Variants in RCOR1 observed in about 807,000 individuals in gnomAD.
The protein encoded by RCOR1 is REST corepressor.
In RCOR1, 12 loss-of-function variants were observed where a neutral mutation model predicts 64.0. The ratio of observed to expected loss-of-function variants is 0.19; its 90% CI spans 0.12 to 0.30. The LOEUF (loss-of-function observed/expected upper bound fraction) is 0.30. RCOR1 is among the 10% of genes least tolerant of loss of function. The pLI is 1.00. For missense variants in RCOR1, 502 were observed against 621.2 expected (o/e 0.81, Z 2.04); for synonymous variants, 279 against 227.2 (o/e 1.23, Z -2.05).
At chr14:102,670,546 C>CTTCAAGAAACA (rs1451045913) in intron 2 of RCOR1, among the ~76,000 whole-genome samples, 1 of 151,816 alleles carries the variant, frequency 6.6e-6, no homozygotes. Context: ...TACTTTTCAG[C>CTTCAAGAAACA]TTCAGTTTTC....
Position 102,634,684 on chromosome 14 carries a change from A to G in RCOR1, c.361+41359A>G, listed in dbSNP as rs1169937463. Among the ~76,000 whole-genome samples the G allele has an allele frequency of 2.0e-5, 3 of 150,538 alleles. 1 individual carries two copies. Among genetic ancestry groups the G allele is most frequent in the East Asian group, 3.9e-4 (2 of 5,154 alleles). On this transcript the variant is annotated intron_variant, in intron 2 of 11. Transcript: ENST00000262241. The stretch of plus-strand genomic sequence containing the variant: ...TATATACACACACACGTACATACAT[A>G]TATATATGTGTGTATATATATATAT...
intron 2 of RCOR1, among the ~76,000 whole-genome samples, chr14:102,598,778 C>G (rs569411862): frequency 1.3e-5 from 2 of 152,154 alleles, no homozygotes; most frequent in East Asian, 1.9e-4. Flanking sequence ...TAATTAATAC[C>G]TAGATTAGAT....
chr14:102,647,969 A>G (rs1041899117), intron 2 of RCOR1, among the ~76,000 whole-genome samples: 24 of 152,184 alleles, frequency 1.6e-4, no homozygotes, highest in Admixed American at 7.2e-4. Flanking sequence ...ATATACCACC[A>G]TGCTCGGCCT....
At chr14:102,650,704 A>G (rs1286395426) in intron 2 of RCOR1, among the ~76,000 whole-genome samples, 1 of 152,176 alleles carries the variant, frequency 6.6e-6, no homozygotes, top group African/African-American at 2.4e-5. Context: ...AGTACCACAT[A>G]CTTGGTGAAA....
chr14:102,687,374 C>T (rs1223323505), intron 3 of RCOR1, among the ~76,000 whole-genome samples: 1 of 152,216 alleles, frequency 6.6e-6, no homozygotes, highest in African/African-American at 2.4e-5. Flanking sequence ...TTTACCACAC[C>T]TGTCTGCCTT....
intron 3 of RCOR1, among the ~76,000 whole-genome samples, chr14:102,697,969 C>T (rs1270953778): frequency 6.6e-6 from 1 of 152,224 alleles, no homozygotes; most frequent in Non-Finnish European, 1.5e-5. Flanking sequence ...GATCCTCTTG[C>T]CTCAGCCTCC....
intron 4 of RCOR1, among the ~76,000 whole-genome samples, chr14:102,702,461 G>A (rs561818959): frequency 2.0e-5 from 3 of 150,176 alleles, no homozygotes; most frequent in Non-Finnish European, 4.4e-5. Flanking sequence ...AAGCTGAGAA[G>A]ACCTTTATAT....
At chr14:102,623,325 GAA>G (rs567220336) in intron 2 of RCOR1, among the ~76,000 whole-genome samples, 16 of 151,572 alleles carry the variant, frequency 1.1e-4, no homozygotes, top group Non-Finnish European at 2.2e-4. Flanking sequence ...GTGCTATTTG[GAA>G]AAAATACTAT....
At chr14:102,673,217 T>C (rs772383487) in intron 2 of RCOR1, among the ~76,000 whole-genome samples, 12 of 152,358 alleles carry the variant, frequency 7.9e-5, no homozygotes, top group South Asian at 4.1e-4. Flanking sequence ...AGTTATGATA[T>C]TATACATTTC....
chr14:102,680,608 C>G (rs994545566), intron 2 of RCOR1, among the ~76,000 whole-genome samples: 3 of 152,154 alleles, frequency 2.0e-5, no homozygotes, highest in African/African-American at 4.8e-5. Context: ...GAGTTCGAGA[C>G]CAGCCTGGCC....
At chr14:102,683,630 T>C (rs1895349129) in intron 3 of RCOR1, among the ~76,000 whole-genome samples, 1 of 152,226 alleles carries the variant, frequency 6.6e-6, no homozygotes, top group Non-Finnish European at 1.5e-5. Flanking sequence ...AATCGGAGGA[T>C]GCTTTGGGCC....
intron 2 of RCOR1, among the ~76,000 whole-genome samples, chr14:102,616,821 C>T (rs1477754597): frequency 1.3e-5 from 2 of 152,138 alleles, no homozygotes; most frequent in Admixed American, 6.6e-5. Context: ...GGCCTCATTA[C>T]GTAGGGATGA....
At chr14:102,714,755 A>T (rs1896033849) in intron 8 of RCOR1, 138 bp downstream of exon 8, 2 of 613,748 alleles carry the variant, frequency 3.3e-6, no homozygotes, top group Non-Finnish European at 5.6e-6. Flanking sequence ...ACAGATCTTA[A>T]GTACCAGCCC....
intron 2 of RCOR1, among the ~76,000 whole-genome samples, chr14:102,676,604 C>G (rs1595224983): frequency 1.1e-5 from 1 of 92,076 alleles, no homozygotes; most frequent in Non-Finnish European, 2.2e-5. Context: ...CCCTCACCTC[C>G]CGGACGGGGC....
intron 2 of RCOR1, among the ~76,000 whole-genome samples, chr14:102,662,953 G>T (rs913303898): frequency 9.2e-5 from 14 of 152,260 alleles, no homozygotes; most frequent in African/African-American, 3.4e-4. Flanking sequence ...CTTATTTACA[G>T]TACACTTATG....
chr14:102,722,311 A>G lies in RCOR1; in HGVS notation c.1314A>G (p.Gln438=). ...RRRFNIDEVL[Q]EWEAEHGKEE... ...GCTTCAACATAGATGAAGTTTTACA[A>G]GAATGGGAGGCAGAACATGGTAAAG... Residue 438 remains glutamine (Q), a synonymous_variant, in exon 11 of 12, where the codon CAA becomes CAG. Transcript: ENST00000262241. The G allele has an allele frequency of 6.2e-7, 1 of 1,614,226 alleles. No individual in the cohort carries two copies. Among genetic ancestry groups the G allele is most frequent in the Non-Finnish European group, 8.5e-7 (1 of 1,180,046 alleles).
chr14:102,619,302 T>C (rs866391795), intron 2 of RCOR1, among the ~76,000 whole-genome samples: 4 of 152,130 alleles, frequency 2.6e-5, no homozygotes, highest in South Asian at 2.1e-4. Flanking sequence ...TTATTTTTAG[T>C]AGAGTTGGGG....
chr14:102,660,508 C>G (rs1448995581), intron 2 of RCOR1, among the ~76,000 whole-genome samples: 1 of 152,066 alleles, frequency 6.6e-6, no homozygotes, highest in Non-Finnish European at 1.5e-5. Context: ...CCCACCTTAG[C>G]CTCCCAAGTA....
chr14:102,627,589 A>G (rs1395877049), intron 2 of RCOR1, among the ~76,000 whole-genome samples: 2 of 151,656 alleles, frequency 1.3e-5, no homozygotes, highest in African/African-American at 4.8e-5. Flanking sequence ...CCCGGGAGGC[A>G]GAGGTTGCAG....
Sources: allele counts gnomAD v4.1 joint callset (sites outside exome capture counted in the v4.1 genomes callset), GRCh38; gene constraint gnomAD v4.1.1; transcripts MANE v1.5; gene names NCBI Gene and HGNC (gene_info 2026-07-23, HGNC 2026-07-21).